NOS1: variants seen among roughly 807,000 people sequenced by gnomAD.
The protein encoded by NOS1 is nitric oxide synthase 1.
A neutral mutation model predicts 164.5 loss-of-function variants in NOS1; 51 were observed. The ratio of observed to expected loss-of-function variants is 0.31; its 90% confidence interval spans 0.25 to 0.39. NOS1 has a LOEUF of 0.39. NOS1 is among the 10% of genes least tolerant of loss of function. The pLI is 1.00. For synonymous variants in NOS1, 719 were observed against 745.8 expected (o/e 0.96, Z 0.59); for missense variants, 1,362 against 1,885.6 (o/e 0.72, Z 5.14).
intron 27 of NOS1, among the ~76,000 whole-genome samples, chr12:117,219,255 A>G (rs1956660840): frequency 6.6e-6 from 1 of 151,918 alleles, no homozygotes; most frequent in East Asian, 1.9e-4. Context: ...TGTTGAGATT[A>G]CAGGCGTGAG....
At chr12:117,284,442 C>T (rs184191978) in intron 7 of NOS1, among the ~76,000 whole-genome samples, 6 of 152,248 alleles carry the variant, frequency 3.9e-5, no homozygotes, top group East Asian at 3.9e-4. Context: ...TTGGTGAAGA[C>T]GAGTCCAAGG....
intron 2 of NOS1, among the ~76,000 whole-genome samples, chr12:117,322,055 T>C (rs908755893): frequency 8.1e-5 from 11 of 136,422 alleles, no homozygotes; most frequent in African/African-American, 2.5e-4. Flanking sequence ...CTTCCTTCCC[T>C]CCTTCCTTCC....
chr12:117,265,034 T>TG (rs1872275235), intron 12 of NOS1, among the ~76,000 whole-genome samples: 1 of 150,642 alleles, frequency 6.6e-6, no homozygotes, highest in Non-Finnish European at 1.5e-5. Context: ...AATTTAGAGA[T>TG]GGGGTCTCAC....
At chr12:117,316,014 G>A (rs1231527170) in intron 2 of NOS1, among the ~76,000 whole-genome samples, 1 of 152,170 alleles carries the variant, frequency 6.6e-6, no homozygotes, top group African/African-American at 2.4e-5. Context: ...ACAATCCCAT[G>A]TTATAGCCAC....
At position 117,222,690 on chromosome 12, in the gene NOS1, T is replaced by C. The variant is rs7968487; in HGVS notation, c.3975+25A>G. On this transcript the variant is annotated intron_variant, in intron 26 of 28. Transcript: ENST00000317775. ...AGTGTGCATGTGTGTTGGGCTGGGC[T>C]AGGGGGTGGGCTGCTGGGGGTTACC... 1,329 of 1,611,560 alleles carry C rather than the reference T, an allele frequency of 8.2e-4. 11 individuals are homozygous for C. In the African/African-American group the frequency reaches 0.014, roughly 18 times the overall value.
chr12:117,234,534 T>C lies in NOS1; in HGVS notation c.3235+31A>G, dbSNP rs1875140. 351,717 of 1,596,258 alleles carry C rather than the reference T, an allele frequency of 0.22. 41,695 individuals are homozygous for C. Among genetic ancestry groups the C allele is most frequent in the East Asian group, 0.42 (18,686 of 44,476 alleles). On this transcript the variant is annotated intron_variant, in intron 21 of 28. Coordinates refer to ENST00000317775, the MANE Select transcript of NOS1 (RefSeq NM_000620.5). The surrounding 1 kb of genome is among the most constrained non-coding windows in gnomAD (Gnocchi z 4.3). Reference sequence around the variant, plus strand: ...GACACCCACTGCCTCTGCAGCTCCCTAGAGCAGGGAAGGGTCCCCGGGAAT... The same window carrying C: ...GACACCCACTGCCTCTGCAGCTCCCCAGAGCAGGGAAGGGTCCCCGGGAAT...
Position 117,359,876 on chromosome 12 carries a change from TTATATATA to T in NOS1, c.-421+1628_-421+1635del, listed in dbSNP as rs56787288. Among the ~76,000 whole-genome samples the T allele has an allele frequency of 2.1e-3, 79 of 36,932 alleles. 1 individual carries two copies. Among genetic ancestry groups the T allele is most frequent in the Non-Finnish European group, 2.9e-3 (52 of 17,906 alleles). The allele number at this position is 36,932 out of a possible 152,430, so 24.2% of individuals were successfully genotyped here. A position where few individuals can be genotyped will look rare whatever the true frequency, so the allele number is the denominator to read the frequency against. On this transcript the variant is annotated intron_variant, in intron 1 of 28. Coordinates refer to ENST00000317775, the MANE Select transcript of NOS1 (RefSeq NM_000620.5). ...GTCCCAGAGCATTACAATAATGGTT[TTATATATA>T]TATATATATATATATATATATATAT... is the stretch of plus-strand genomic sequence containing the variant.
At chr12:117,225,389 A>G (rs900216074) in intron 24 of NOS1, among the ~76,000 whole-genome samples, 2 of 151,860 alleles carry the variant, frequency 1.3e-5, no homozygotes, top group Non-Finnish European at 2.9e-5. Context: ...AGCAAATTCA[A>G]CCCAGGGTAT....
In NOS1 at chr12:117,330,083, C is replaced by T. The variant is rs541121643; in HGVS notation, c.725+262G>A. 5.3e-5 allele frequency among the ~76,000 whole-genome samples: 8 copies of T among 152,334 alleles called. No individual in the cohort carries two copies. The highest frequency in any genetic ancestry group is 4.6e-4 in the Admixed American group (7 of 15,306). On this transcript the variant is annotated intron_variant, in intron 2 of 28. Coordinates refer to ENST00000317775, the MANE Select transcript of NOS1 (RefSeq NM_000620.5). This position sits in a 1 kb window ranked among gnomAD's most constrained non-coding sequence, Gnocchi z 4.6. Reference sequence around the variant, plus strand: ...TATAGGGGATAAAGATGAGAAGACACACTGTCTGCTACCATGATGATTAAT... The same window carrying T: ...TATAGGGGATAAAGATGAGAAGACATACTGTCTGCTACCATGATGATTAAT...
chr12:117,350,798 G>A (rs1482691633), intron 1 of NOS1, among the ~76,000 whole-genome samples: 3 of 152,288 alleles, frequency 2.0e-5, no homozygotes, highest in East Asian at 3.9e-4. Context: ...GGCTCCCGAA[G>A]AGGCTGACCT....
chr12:117,260,043 C>T (rs543461225), intron 14 of NOS1, among the ~76,000 whole-genome samples: 99 of 149,394 alleles, frequency 6.6e-4, no homozygotes, highest in African/African-American at 2.0e-3. Flanking sequence ...GGCGTGAACC[C>T]GGGAGGTGGA....
At chr12:117,297,176 G>A (rs1873471952) in intron 3 of NOS1, among the ~76,000 whole-genome samples, 1 of 152,230 alleles carries the variant, frequency 6.6e-6, no homozygotes, top group Non-Finnish European at 1.5e-5. Context: ...TGATTGCAAG[G>A]ATTGCAGGAG....
At chr12:117,328,424 C>T (rs1875362333) in intron 2 of NOS1, among the ~76,000 whole-genome samples, 1 of 152,190 alleles carries the variant, frequency 6.6e-6, no homozygotes, top group African/African-American at 2.4e-5. Flanking sequence ...TCGTCTCAGC[C>T]TCCCAAAGTG....
At position 117,225,113 on chromosome 12, in the gene NOS1, C is replaced by G. The variant is rs762718948; in HGVS notation, c.3729G>C (p.Arg1243=). 2.5e-6 allele frequency: 4 copies of G among 1,613,390 alleles called. 1 individual carries two copies. The South Asian group carries it at 3.3e-5, about 13-fold the overall frequency. Residue 1243 remains arginine (R), a synonymous_variant, in exon 25 of 29, where the codon CGG becomes CGC. Coordinates refer to ENST00000317775, the MANE Select transcript of NOS1 (RefSeq NM_000620.5). ...CGAGGATGCAGGGGACTTGGGGGTT[C>G]CGGGGCAGGTGGAAGCTGGGTGCTC... ...VRGAPSFHLP[R]NPQVPCILVG... is the part of the protein sequence containing the mutation.
intron 3 of NOS1, among the ~76,000 whole-genome samples, chr12:117,297,225 T>G (rs574313455): frequency 6.6e-6 from 1 of 152,124 alleles, no homozygotes; most frequent in East Asian, 1.9e-4. Flanking sequence ...AGGAGGATGG[T>G]GCAATGAGGC....
At position 117,265,530 on chromosome 12, in the gene NOS1, AG is replaced by A; in HGVS notation, c.1942-21del. 6.9e-7 allele frequency: 1 copy of A among 1,458,798 alleles called. No homozygotes were observed. Among genetic ancestry groups the A allele is most frequent in the Non-Finnish European group, 9.1e-7 (1 of 1,094,098 alleles). The allele number at this position is 1,458,798 out of a possible 1,614,324, so 90.4% of individuals were successfully genotyped here. Reference sequence around the variant, plus strand: ...GTCACTCTGTGGGAGGAGAGGGGACAGGGGTCAGGAGGTATGAGAAGCTGGG... The same window carrying A: ...GTCACTCTGTGGGAGGAGAGGGGACAGGGTCAGGAGGTATGAGAAGCTGGG... On this transcript the variant is annotated intron_variant, in intron 11 of 28. Coordinates refer to ENST00000317775, the MANE Select transcript of NOS1 (RefSeq NM_000620.5).
At chr12:117,229,448 AT>A (rs1454995770) in intron 22 of NOS1, among the ~76,000 whole-genome samples, 2 of 151,600 alleles carry the variant, frequency 1.3e-5, no homozygotes, top group Admixed American at 6.6e-5. Context: ...ATCCCTTTCC[AT>A]TTTCTGTCAC....
intron 16 of NOS1, among the ~76,000 whole-genome samples, chr12:117,257,726 C>A (rs1325514842): frequency 6.7e-6 from 1 of 149,286 alleles, no homozygotes; most frequent in Non-Finnish European, 1.5e-5. Flanking sequence ...TAGGTGTGCA[C>A]TACCATGCCT....
chr12:117,343,274 GAGGAAGGA>G (rs374606107), intron 1 of NOS1, among the ~76,000 whole-genome samples: 49 of 151,794 alleles, frequency 3.2e-4, no homozygotes, highest in African/African-American at 8.7e-4. Context: ...GGGAGGGAGG[GAGGAAGGA>G]AGGAAGGAAG....
Sources: allele counts gnomAD v4.1 joint callset (sites outside exome capture counted in the v4.1 genomes callset), GRCh38; gene constraint gnomAD v4.1.1; non-coding constraint Gnocchi (gnomAD v3.1); transcripts MANE v1.5; gene names NCBI Gene and HGNC (gene_info 2026-07-23, HGNC 2026-07-21).